PEBP4: variants seen among roughly 807,000 people sequenced by gnomAD.
The protein encoded by PEBP4 is phosphatidylethanolamine binding protein 4, also known as phosphatidylethanolamine-binding protein 4.
Under a neutral mutation model 23.9 loss-of-function variants are expected in PEBP4, and 22 were observed. The ratio of observed to expected loss-of-function variants is 0.92; its 90% CI spans 0.66 to 1.31. PEBP4 has a LOEUF of 1.31. Ranked by LOEUF, PEBP4 falls within the 40% of genes most tolerant of loss-of-function variation. PEBP4 has a pLI of 0.00. For synonymous variants in PEBP4, 112 were observed against 99.3 expected (o/e 1.13, Z -0.76); for missense variants, 324 against 281.7 (o/e 1.15, Z -1.07).
chr8:22,753,378 A>G (rs551073768), intron 4 of PEBP4, among the ~76,000 whole-genome samples: 1 of 152,302 alleles, frequency 6.6e-6, no homozygotes, highest in Admixed American at 6.5e-5. Context: ...TGGGGGCCGC[A>G]TGAACTTTGA....
In PEBP4 at chr8:22,787,733, C is replaced by T. The variant is rs866569487; in HGVS notation, c.357+29904G>A. On this transcript the variant is annotated intron_variant, in intron 4 of 6. Transcript: ENST00000256404. ...ACCACCACTACTACTCCTACGGCTA[C>T]GACTATGAGTAATTGTGCGACGGTG... is the stretch of plus-strand genomic sequence containing the variant. Among the ~76,000 whole-genome samples, 4 of 152,302 alleles carry T rather than the reference C, an allele frequency of 2.6e-5. No homozygotes were observed. The East Asian group carries it at 5.8e-4, about 22-fold the overall frequency.
intron 2 of PEBP4, among the ~76,000 whole-genome samples, chr8:22,923,828 C>A (rs1032073047): frequency 2.0e-5 from 3 of 152,142 alleles, no homozygotes; most frequent in Admixed American, 2.0e-4. Context: ...CAAGAAGGTG[C>A]CATCTTTGAA....
chr8:22,785,718 C>G (rs1806014070), intron 4 of PEBP4, among the ~76,000 whole-genome samples: 1 of 152,180 alleles, frequency 6.6e-6, no homozygotes, highest in Non-Finnish European at 1.5e-5. Context: ...ACAGGAGCAA[C>G]AGCGACCACT....
chr8:22,728,555 TCTTTCTTCCTTCCTTC>T (rs1392664624), intron 4 of PEBP4, among the ~76,000 whole-genome samples: 13 of 69,458 alleles, frequency 1.9e-4, no homozygotes, highest in East Asian at 6.5e-4. Flanking sequence ...TTTCTTTCTT[TCTTTCTTCCTTCCTTC>T]CTTCCTTCCT....
chr8:22,892,406 C>T (rs1457498058), intron 3 of PEBP4, among the ~76,000 whole-genome samples: 1 of 152,166 alleles, frequency 6.6e-6, no homozygotes, highest in Non-Finnish European at 1.5e-5. Context: ...ACAAAAACTC[C>T]ATACTTACCT....
At chr8:22,901,043 G>A (rs1808700412) in intron 3 of PEBP4, among the ~76,000 whole-genome samples, 1 of 152,156 alleles carries the variant, frequency 6.6e-6, no homozygotes. Flanking sequence ...AGTTTGGGGT[G>A]GTTTTGTGTA....
chr8:22,904,586 G>A (rs1808773372), intron 3 of PEBP4, among the ~76,000 whole-genome samples: 2 of 152,102 alleles, frequency 1.3e-5, no homozygotes, highest in Admixed American at 1.3e-4. Context: ...ACAGACAAGT[G>A]TAAAGGAGAA....
intron 3 of PEBP4, chr8:22,885,589 C>T (rs1017275002): frequency 1.6e-4 from 24 of 152,238 alleles, no homozygotes; most frequent in African/African-American, 5.1e-4. Flanking sequence ...TGTGCTCTTC[C>T]GTTTCAGTGT....
At chr8:22,924,907 A>C in intron 2 of PEBP4, 1 of 985,400 alleles carries the variant, frequency 1.0e-6, no homozygotes, top group African/African-American at 1.7e-5. Context: ...GTCACAGTAC[A>C]TAAAATTCCT....
chr8:22,908,884 C>T (rs115418597), intron 3 of PEBP4, among the ~76,000 whole-genome samples: 1 of 152,322 alleles, frequency 6.6e-6, no homozygotes, highest in African/African-American at 2.4e-5. Flanking sequence ...TAACTAGGGG[C>T]TTGACCCTGG....
chr8:22,867,409 A>G (rs1189167022), intron 3 of PEBP4, among the ~76,000 whole-genome samples: 1 of 152,104 alleles, frequency 6.6e-6, no homozygotes, highest in East Asian at 1.9e-4. Flanking sequence ...TCGTGTCAAT[A>G]ACCCCCCAGC....
At chr8:22,823,684 CA>C (rs1159303376) in intron 3 of PEBP4, among the ~76,000 whole-genome samples, 1 of 150,834 alleles carries the variant, frequency 6.6e-6, no homozygotes, top group African/African-American at 2.4e-5. Flanking sequence ...TTTTATATGG[CA>C]AAAAAAGTCC....
intron 3 of PEBP4, among the ~76,000 whole-genome samples, chr8:22,855,651 T>C (rs1159243419): frequency 6.6e-6 from 1 of 152,162 alleles, no homozygotes; most frequent in Non-Finnish European, 1.5e-5. Flanking sequence ...GGGGAAGACC[T>C]TCCCAATGAT....
intron 4 of PEBP4, among the ~76,000 whole-genome samples, chr8:22,811,559 G>A (rs1806628642): frequency 6.6e-6 from 1 of 152,208 alleles, no homozygotes; most frequent in Admixed American, 6.5e-5. Flanking sequence ...ATGTTGGAGA[G>A]GAAGGGGCTG....
intron 4 of PEBP4, among the ~76,000 whole-genome samples, chr8:22,794,206 G>A (rs1195108386): frequency 6.6e-6 from 1 of 152,058 alleles, no homozygotes; most frequent in Non-Finnish European, 1.5e-5. Flanking sequence ...CATTTATTGA[G>A]TGCCTACTGT....
chr8:22,848,824 G>A (rs568197571), intron 3 of PEBP4, among the ~76,000 whole-genome samples: 1 of 152,364 alleles, frequency 6.6e-6, no homozygotes, highest in Non-Finnish European at 1.5e-5. Flanking sequence ...AGACTGCTGA[G>A]GGAGCGGAAT....
At chr8:22,803,229 A>G (rs1444040640) in intron 4 of PEBP4, among the ~76,000 whole-genome samples, 4 of 152,148 alleles carry the variant, frequency 2.6e-5, no homozygotes, top group Non-Finnish European at 5.9e-5. Context: ...TTCTCCTTGA[A>G]TATCTCCAGA....
chr8:22,737,294 CAA>C (rs11302571), intron 4 of PEBP4, among the ~76,000 whole-genome samples: 49 of 65,488 alleles, frequency 7.5e-4, no homozygotes, highest in Admixed American at 1.1e-3. Context: ...GACTCCGTCT[CAA>C]AAAAAAAAAA....
chr8:22,796,094 T>C (rs1038438721), intron 4 of PEBP4, among the ~76,000 whole-genome samples: 25 of 152,212 alleles, frequency 1.6e-4, no homozygotes, highest in African/African-American at 5.8e-4. Context: ...TGGCGGACAC[T>C]CGATACTTAT....
Sources: gnomAD v4.1 joint callset for allele counts (sites outside exome capture counted in the v4.1 genomes callset) on GRCh38, gnomAD v4.1.1 for gene constraint, MANE v1.5 for transcripts, NCBI Gene and HGNC (gene_info 2026-07-23, HGNC 2026-07-21) for gene names.